Variants in IGFBP7 observed in about 807,000 individuals in gnomAD.
IGFBP7 encodes insulin like growth factor binding protein 7.
IGFBP7 carries 31 observed loss-of-function variants against 29.4 expected under a neutral mutation model. The ratio of observed to expected loss-of-function variants is 1.05; its 90% confidence interval spans 0.79 to 1.42. IGFBP7 has a LOEUF of 1.42. Ranked by LOEUF, IGFBP7 falls within the 40% of genes most tolerant of loss-of-function variation. The probability of loss-of-function intolerance (pLI) is 0.00; values close to 1 mark genes in which losing one functional copy is unlikely to be tolerated. For synonymous variants in IGFBP7, 172 were observed against 174.9 expected, an observed-to-expected ratio of 0.98 and a Z score of 0.13; for missense variants, 393 against 395.5, an observed-to-expected ratio of 0.99 and a Z score of 0.05.
intron 1 of IGFBP7, among the ~76,000 whole-genome samples, chr4:57,070,754 C>T (rs10516162): frequency 0.16 from 25,070 of 152,166 alleles, 2,140 homozygotes; most frequent in Admixed American, 0.17. Flanking sequence ...TAAGACAACA[C>T]AAGCCAGCTC....
chr4:57,036,949 G>A (rs772304267), intron 2 of IGFBP7, among the ~76,000 whole-genome samples: 4 of 152,256 alleles, frequency 2.6e-5, no homozygotes, highest in Middle Eastern at 3.4e-3. Flanking sequence ...CAAGGACAGC[G>A]ATGAGAAAAC....
rs1726158631 is a variant in IGFBP7 at position 57,110,203 on chromosome 4, A to G, written c.149T>C (p.Leu50Pro). ...CPPLPPLGCL[L>P]GETRDACGCC... ...GCCGCACGCGTCGCGGGTCTCGCCC[A>G]GCAGGCAGCCCAGCGGGGGCAGGGG... The change falls in exon 1 of 5, where the codon CTG becomes CCG. Residue 50 changes from leucine (L) to proline (P), a missense_variant. Physicochemically the swap from Leu to Pro is moderately conservative, Grantham distance 98. Transcript: ENST00000295666. The G allele has an allele frequency of 1.4e-6, 2 of 1,381,398 alleles. No individual in the cohort carries two copies. The highest frequency in any genetic ancestry group is 1.9e-6 in the Non-Finnish European group (2 of 1,076,646). 85.6% of individuals were successfully genotyped at this position (1,381,398 alleles called of 1,614,324 possible).
At chr4:57,094,929 A>G (rs906368425) in intron 1 of IGFBP7, among the ~76,000 whole-genome samples, 1 of 152,228 alleles carries the variant, frequency 6.6e-6, no homozygotes, top group Non-Finnish European at 1.5e-5. Context: ...ACTGAGGTGG[A>G]ACAAGGCACC....
Position 57,033,322 on chromosome 4 carries a change from A to C in IGFBP7, c.586-11T>G. ...GTGACCCCTTTTTACCTGCAAAAAC[A>C]AAAGGAGAGTAATACTGAGTTTTGT... On this transcript the variant is annotated splice_polypyrimidine_tract_variant and intron_variant, in intron 2 of 4. Coordinates refer to ENST00000295666, the MANE Select transcript of IGFBP7 (RefSeq NM_001553.3). 1 of 1,567,072 alleles carries C rather than the reference A, an allele frequency of 6.4e-7. No homozygotes were observed. Among genetic ancestry groups the C allele is most frequent in the Non-Finnish European group, 8.8e-7 (1 of 1,137,096 alleles).
intron 1 of IGFBP7, among the ~76,000 whole-genome samples, chr4:57,050,313 C>T (rs1044770223): frequency 1.8e-4 from 27 of 149,682 alleles, no homozygotes; most frequent in Non-Finnish European, 3.2e-4. Context: ...TGTGCAATCT[C>T]GGCTCACTGC....
intron 1 of IGFBP7, chr4:57,072,901 C>T: frequency 1.4e-6 from 1 of 699,912 alleles, no homozygotes. Flanking sequence ...CGCCCTGCTA[C>T]CACCCCAACA....
chr4:57,054,979 A>AT (rs1220894407), intron 1 of IGFBP7, among the ~76,000 whole-genome samples: 1 of 152,196 alleles, frequency 6.6e-6, no homozygotes, highest in Non-Finnish European at 1.5e-5. Flanking sequence ...CACTTTAGAA[A>AT]TCCCAGCAAA....
chr4:57,110,151 C>A lies in IGFBP7; in HGVS notation c.201G>T (p.Glu67Asp). Residue 67 changes from glutamate to aspartate, a missense_variant, in exon 1 of 5, where the codon GAG (glutamate) becomes GAT (aspartate). Transcript: ENST00000295666. ...CGCCGCCACCCCCGCACGGCTCGCC[C>A]TCGCCGCGGGCGCACATAGGGCAGC... ...CGCCPMCARGEGEPCGGGGAG... is the reference protein window; with the variant it reads ...CGCCPMCARGDGEPCGGGGAG... 1 of 1,471,564 alleles carries A rather than the reference C, an allele frequency of 6.8e-7. No homozygotes were observed. The highest frequency in any genetic ancestry group is 8.9e-7 in the Non-Finnish European group (1 of 1,119,632). The allele number at this position is 1,471,564 out of a possible 1,614,324, so 91.2% of individuals were successfully genotyped here.
chr4:57,086,814 A>T (rs539491102), intron 1 of IGFBP7, among the ~76,000 whole-genome samples: 9 of 151,992 alleles, frequency 5.9e-5, no homozygotes, highest in Non-Finnish European at 1.3e-4. Flanking sequence ...GCTCACTGCA[A>T]CCTCCGCCTC....
At chr4:57,046,105 C>A (rs189616301) in intron 1 of IGFBP7, among the ~76,000 whole-genome samples, 1 of 151,932 alleles carries the variant, frequency 6.6e-6, no homozygotes, top group Non-Finnish European at 1.5e-5. Context: ...AATAAGCAAG[C>A]GACTTAATGG....
chr4:57,051,751 A>T (rs1156701388), intron 1 of IGFBP7, among the ~76,000 whole-genome samples: 1 of 152,248 alleles, frequency 6.6e-6, no homozygotes, highest in Non-Finnish European at 1.5e-5. Context: ...TGCTTTATTC[A>T]TCTGTGAAAT....
intron 2 of IGFBP7, among the ~76,000 whole-genome samples, chr4:57,039,919 C>T (rs905721386): frequency 7.3e-6 from 1 of 137,460 alleles, no homozygotes. Flanking sequence ...TGCTACTGCA[C>T]CCAGCCTCAC....
At chr4:57,099,384 T>G (rs1267550213) in intron 1 of IGFBP7, among the ~76,000 whole-genome samples, 1 of 152,164 alleles carries the variant, frequency 6.6e-6, no homozygotes, top group East Asian at 1.9e-4. Flanking sequence ...CATGCTTCAA[T>G]TTAAAAAAAT....
At chr4:57,059,857 CT>C (rs1396735893) in intron 1 of IGFBP7, among the ~76,000 whole-genome samples, 1 of 152,200 alleles carries the variant, frequency 6.6e-6, no homozygotes, top group African/African-American at 2.4e-5. Context: ...TGTACTACTG[CT>C]TCGTTGAATT....
chr4:57,044,243 G>A (rs1255403319), intron 1 of IGFBP7, among the ~76,000 whole-genome samples: 1 of 152,178 alleles, frequency 6.6e-6, no homozygotes, highest in African/African-American at 2.4e-5. Flanking sequence ...TCTTGGGCAG[G>A]GGGCAGATTC....
intron 1 of IGFBP7, among the ~76,000 whole-genome samples, chr4:57,072,130 T>C (rs1259396612): frequency 6.6e-6 from 1 of 152,118 alleles, no homozygotes; most frequent in Non-Finnish European, 1.5e-5. Context: ...TTATCTTTCC[T>C]GCTCCTCTCC....
At chr4:57,103,660 C>CTTT (rs59173874) in intron 1 of IGFBP7, among the ~76,000 whole-genome samples, 23,448 of 85,838 alleles carry the variant, frequency 0.27, 5,625 homozygotes, top group East Asian at 0.51. Context: ...TTTTTCTTTT[C>CTTT]TTTTTTTTTT....
chr4:57,036,568 T>C (rs1187993332), intron 2 of IGFBP7, among the ~76,000 whole-genome samples: 1 of 152,222 alleles, frequency 6.6e-6, no homozygotes, highest in Non-Finnish European at 1.5e-5. Context: ...GCTATTTCAG[T>C]TCACGTTCCC....
intron 1 of IGFBP7, among the ~76,000 whole-genome samples, chr4:57,056,052 C>T (rs1308893247): frequency 6.6e-6 from 1 of 152,102 alleles, no homozygotes; most frequent in Admixed American, 6.6e-5. Context: ...CACCGTGACT[C>T]CCTGGCAGAC....
Sources: allele counts gnomAD v4.1 joint callset (sites outside exome capture counted in the v4.1 genomes callset), GRCh38; gene constraint gnomAD v4.1.1; transcripts MANE v1.5; gene names NCBI Gene and HGNC (gene_info 2026-07-23, HGNC 2026-07-21).